Variants in KTN1 observed in about 807,000 individuals in gnomAD.
The protein encoded by KTN1 is kinectin 1.
A neutral mutation model predicts 222.5 loss-of-function variants in KTN1; 130 were observed. That is an observed-to-expected ratio of 0.58 (90% CI 0.51 to 0.68). The LOEUF (loss-of-function observed/expected upper bound fraction) is 0.68. KTN1 is among the 30% of genes least tolerant of loss of function. The pLI, the probability that KTN1 is intolerant of heterozygous loss-of-function variation, is 0.00. For synonymous variants in KTN1, 512 were observed against 496.3 expected (o/e 1.03, Z -0.42); for missense variants, 1,508 against 1,500.4 (o/e 1.01, Z -0.08).
At position 55,649,805 on chromosome 14, in the gene KTN1, TAAG is replaced by T. The variant is rs779707035; in HGVS notation, c.2400_2402del (p.Lys801del). 6.0e-6 allele frequency: 9 copies of T among 1,504,756 alleles called. No homozygotes were observed. Among genetic ancestry groups the T allele is most frequent in the Non-Finnish European group, 7.3e-6 (8 of 1,094,446 alleles). The allele number at this position is 1,504,756 out of a possible 1,614,324, so 93.2% of individuals were successfully genotyped here. On this transcript the variant is annotated inframe_deletion, in exon 22 of 44. Transcript: ENST00000395314. ...CTTTTGCCTCTCTAGTTGAAGAACT[TAAG>T]AAAGTGTAAGTGATAACATTATTAT...
rs1442669139 is a variant in KTN1 at position 55,616,613 on chromosome 14, G to T, written c.620G>T (p.Gly207Val). The change falls in exon 3 of 44, where the codon GGG (glycine) becomes GTG (valine). Residue 207 changes from glycine (G) to valine (V), a missense_variant. By Grantham distance (109) the Gly-to-Val change is moderately radical. Coordinates refer to ENST00000395314, the MANE Select transcript of KTN1 (RefSeq NM_001079521.2). ...GAGACTAAACAAGAAAGTGGATCAG[G>T]GAAGAAGAAAGCTTCATCAAAGAAA... The part of the protein sequence containing the change: ...HQETKQESGS[G>V]KKKASSKKQK... 4 of 1,601,436 alleles carry T rather than the reference G, an allele frequency of 2.5e-6. No individual in the cohort carries two copies. Among genetic ancestry groups the T allele is most frequent in the Non-Finnish European group, 8.5e-7 (1 of 1,176,862 alleles).
intron 1 of KTN1, among the ~76,000 whole-genome samples, chr14:55,581,152 C>A (rs200162121): frequency 6.6e-6 from 1 of 152,214 alleles, no homozygotes; most frequent in African/African-American, 2.4e-5. Context: ...CTAGAGAAGT[C>A]GTCTGGCTCT....
intron 40 of KTN1, 27 bp from the exon 41 acceptor site, chr14:55,675,807 TA>T (rs759199693): frequency 7.0e-7 from 1 of 1,436,004 alleles, no homozygotes. Context: ...CAAATTAAGT[TA>T]ATTGTGGTGT....
chr14:55,656,765 C>G (rs2043527467), intron 29 of KTN1, among the ~76,000 whole-genome samples: 3 of 152,132 alleles, frequency 2.0e-5, no homozygotes, highest in Non-Finnish European at 2.9e-5. Flanking sequence ...CCGCAGCCAG[C>G]ATATATCATT....
chr14:55,586,744 T>C, intron 1 of KTN1, among the ~76,000 whole-genome samples: 1 of 152,148 alleles, frequency 6.6e-6, no homozygotes, highest in East Asian at 1.9e-4. Flanking sequence ...ATTTAAAGAC[T>C]TGAAGTTTTT....
At chr14:55,675,959 G>A (rs376381181) in intron 41 of KTN1, 41 bp downstream of exon 41, 22 of 1,358,884 alleles carry the variant, frequency 1.6e-5, no homozygotes, top group East Asian at 6.9e-5. Context: ...TCATGAGCCT[G>A]TGTTGTGTGT....
chr14:55,598,554 A>G (rs2035459453), intron 1 of KTN1, among the ~76,000 whole-genome samples: 1 of 152,078 alleles, frequency 6.6e-6, no homozygotes. Flanking sequence ...TAAAGTCTGA[A>G]TTAATTTTTA....
Position 55,658,580 on chromosome 14 carries a change from A to G in KTN1, c.2927A>G (p.Gln976Arg). ...GATGAAAACAAATTGTTTAAGTCCC[A>G]AATTGAGCAGCTTAAACAACAAAAC... is the stretch of plus-strand genomic sequence containing the variant. ...VQDENKLFKS[Q>R]IEQLKQQNYQ... The change falls in exon 30 of 44, where the codon CAA becomes CGA. Residue 976 changes from glutamine to arginine, a missense_variant. Coordinates refer to ENST00000395314, the MANE Select transcript of KTN1 (RefSeq NM_001079521.2). The G allele has an allele frequency of 6.2e-7, 1 of 1,606,892 alleles. No individual in the cohort carries two copies. The highest frequency in any genetic ancestry group is 8.5e-7 in the Non-Finnish European group (1 of 1,174,648).
chr14:55,646,356 GA>G (rs149994056), intron 18 of KTN1, among the ~76,000 whole-genome samples: 1 of 148,642 alleles, frequency 6.7e-6, no homozygotes, highest in South Asian at 2.2e-4. Flanking sequence ...CCTTAGTATA[GA>G]AAAAAAATCA....
chr14:55,652,308 C>G (rs1446618039), intron 25 of KTN1, among the ~76,000 whole-genome samples: 3 of 151,648 alleles, frequency 2.0e-5, no homozygotes, highest in Non-Finnish European at 4.4e-5. Flanking sequence ...AACTAACTTA[C>G]TCATGTCTGG....
At chr14:55,645,837 C>T (rs558052650) in intron 18 of KTN1, among the ~76,000 whole-genome samples, 50 of 152,084 alleles carry the variant, frequency 3.3e-4, no homozygotes, top group East Asian at 1.9e-4. Context: ...GGTTTAATTT[C>T]ATAAATATGT....
chr14:55,653,523 T>A, intron 27 of KTN1, 36 bp from the exon 28 acceptor site: 1 of 1,563,214 alleles, frequency 6.4e-7, no homozygotes, highest in Non-Finnish European at 8.8e-7. Context: ...TAACATTTAA[T>A]GCTAACAGCA....
At chr14:55,650,713 T>A in intron 24 of KTN1, 76 bp downstream of exon 24, 1 of 1,159,344 alleles carries the variant, frequency 8.6e-7, no homozygotes, top group Non-Finnish European at 1.3e-6. Context: ...TTTTTCTTGT[T>A]ACTCAGAAAA....
intron 7 of KTN1, 81 bp from the exon 8 acceptor site, chr14:55,633,154 C>A: frequency 1.7e-6 from 1 of 602,346 alleles, no homozygotes; most frequent in Admixed American, 3.8e-5. Flanking sequence ...TTTTTATATT[C>A]TCATTTTAAT....
At chr14:55,653,660 C>A in intron 28 of KTN1, 64 bp downstream of exon 28, 4 of 1,246,016 alleles carry the variant, frequency 3.2e-6, no homozygotes, top group South Asian at 2.5e-5. Context: ...CCAGGGTGTG[C>A]TTGAATATAA....
chr14:55,589,379 A>G (rs901801902), intron 1 of KTN1, among the ~76,000 whole-genome samples: 2 of 151,850 alleles, frequency 1.3e-5, no homozygotes, highest in African/African-American at 4.8e-5. Context: ...GCTCACTGCA[A>G]CCTCTGACTC....
At chr14:55,637,713 T>A (rs1176061238) in intron 11 of KTN1, 66 bp from the exon 12 acceptor site, 1 of 1,093,858 alleles carries the variant, frequency 9.1e-7, no homozygotes, top group African/African-American at 1.6e-5. Context: ...TATAATACAT[T>A]GTGTTCATAT....
At chr14:55,680,978 G>A (rs17128677) in intron 43 of KTN1, 84,741 of 325,786 alleles carry the variant, frequency 0.26, 11,409 homozygotes, top group East Asian at 0.32. Context: ...CTTTCCACTG[G>A]CTCCCTCTGT....
intron 3 of KTN1, among the ~76,000 whole-genome samples, 167 bp downstream of exon 3, chr14:55,616,821 C>T (rs780118171): frequency 5.9e-5 from 9 of 152,222 alleles, no homozygotes; most frequent in South Asian, 2.1e-4. Context: ...GACTTTATAG[C>T]GCTTTGACAG....
Sources: allele counts gnomAD v4.1 joint callset (sites outside exome capture counted in the v4.1 genomes callset), GRCh38; gene constraint gnomAD v4.1.1; transcripts MANE v1.5; gene names NCBI Gene and HGNC (gene_info 2026-07-23, HGNC 2026-07-21).